Variants in POLR1A observed in about 807,000 individuals in gnomAD.
The protein encoded by POLR1A is DNA-directed RNA polymerase I subunit RPA1.
In POLR1A, 84 loss-of-function variants were observed where a neutral mutation model predicts 205.3. The ratio of observed to expected loss-of-function variants is 0.41; its 90% CI spans 0.34 to 0.49. POLR1A has a LOEUF of 0.49. Among genes scored for constraint, POLR1A ranks in the 20% least tolerant of loss-of-function variants. POLR1A has a pLI of 0.22. For missense variants in POLR1A, 1,645 were observed against 2,204.5 expected, an observed-to-expected ratio of 0.75 and a Z score of 5.08; for synonymous variants, 799 against 863.7, an observed-to-expected ratio of 0.93 and a Z score of 1.31.
At position 86,020,550 on chromosome 2, in the gene POLR1A, A is replaced by G; in HGVS notation, c.*6873T>C. ...GCAACAGAGTGAGACCCCGTCTCAA[A>G]AAAAAAAAAAAAAAAAAAAAGATGC... On this transcript the variant is annotated 3_prime_UTR_variant, in exon 34 of 34. Transcript: ENST00000263857. The G allele has an allele frequency of 6.8e-6, 1 of 146,754 alleles. No homozygotes were observed. Among genetic ancestry groups the G allele is most frequent in the Non-Finnish European group, 1.5e-5 (1 of 67,410 alleles). 9.1% of individuals were successfully genotyped at this position (146,754 alleles called of 1,614,324 possible).
At chr2:86,044,943 C>A (rs538506288) in intron 21 of POLR1A, among the ~76,000 whole-genome samples, 1 of 152,164 alleles carries the variant, frequency 6.6e-6, no homozygotes, top group African/African-American at 2.4e-5. Context: ...GGGGACAGAG[C>A]TCAATGTTAG....
At chr2:86,097,021 G>A (rs538221397) in intron 3 of POLR1A, among the ~76,000 whole-genome samples, 1 of 151,684 alleles carries the variant, frequency 6.6e-6, no homozygotes, top group African/African-American at 2.4e-5. Flanking sequence ...CATCTCAACA[G>A]CAAAAATCCC....
At chr2:86,040,116 C>T in intron 25 of POLR1A, 1 of 326,946 alleles carries the variant, frequency 3.1e-6, no homozygotes, top group Non-Finnish European at 5.6e-6. Flanking sequence ...CTGAGTCCTT[C>T]CCCCAGCAGT....
In POLR1A at chr2:86,021,129, G is replaced by C. The variant is rs913397404; in HGVS notation, c.*6294C>G. The C allele has an allele frequency of 3.3e-5, 5 of 152,378 alleles. No homozygotes were observed. The highest frequency in any genetic ancestry group is 4.8e-5 in the African/African-American group (2 of 41,584). 9.4% of individuals were successfully genotyped at this position (152,378 alleles called of 1,614,324 possible). A position where few individuals can be genotyped will look rare whatever the true frequency, so the allele number is the denominator to read the frequency against. ...TTCATGTTTCCAAGCAAGAATCATG[G>C]GTTGGGGAAGGCAAGTGTTTACTGT... On this transcript the variant is annotated 3_prime_UTR_variant, in exon 34 of 34. Transcript: ENST00000263857.
chr2:86,053,706 G>C (rs962906895), intron 15 of POLR1A, among the ~76,000 whole-genome samples: 8 of 152,162 alleles, frequency 5.3e-5, no homozygotes, highest in Non-Finnish European at 1.2e-4. Flanking sequence ...TCTCCACTGG[G>C]AACATGCAGA....
At chr2:86,042,841 T>C in intron 23 of POLR1A, 133 bp downstream of exon 23, 3 of 706,840 alleles carry the variant, frequency 4.2e-6, no homozygotes, top group Middle Eastern at 4.1e-4. Context: ...TGAGAGCCAT[T>C]CTGTTCTGAC....
chr2:86,046,294 C>CACA (rs145452699), intron 19 of POLR1A, among the ~76,000 whole-genome samples: 1 of 151,946 alleles, frequency 6.6e-6, no homozygotes, highest in Non-Finnish European at 1.5e-5. Flanking sequence ...CAAAACAAAA[C>CACA]ACAACAACAA....
chr2:86,102,145 C>A (rs1673832341), intron 1 of POLR1A, among the ~76,000 whole-genome samples: 1 of 152,202 alleles, frequency 6.6e-6, no homozygotes, highest in East Asian at 1.9e-4. Context: ...TCCTTGGATA[C>A]ACATCCAGAA....
At chr2:86,032,826 C>T (rs1672421260) in intron 28 of POLR1A, among the ~76,000 whole-genome samples, 1 of 152,262 alleles carries the variant, frequency 6.6e-6, no homozygotes, top group Non-Finnish European at 1.5e-5. Context: ...TTATACTCTC[C>T]TTCTGGGTGA....
At chr2:86,104,187 G>A (rs1673874552) in intron 1 of POLR1A, among the ~76,000 whole-genome samples, 1 of 152,164 alleles carries the variant, frequency 6.6e-6, no homozygotes, top group Non-Finnish European at 1.5e-5. Flanking sequence ...GCATGCACTT[G>A]AGAGGTGTAA....
rs765177457 is a variant in POLR1A, at chr2:86,027,960, G to T, written c.4987C>A (p.Arg1663=). The part of the protein sequence containing the change: ...VYKPLNRFGI[R]SNSSPLQQMT... ...TGCTGTAGCGGGGAAGAGTTTGACC[G>T]GATCCCAAAGCGATTCAGTGGCTTG... The change falls in exon 33 of 34, where the codon CGG becomes AGG. Residue 1663 remains arginine (R), a synonymous_variant. Coordinates refer to ENST00000263857, the MANE Select transcript of POLR1A (RefSeq NM_015425.6). 6.2e-7 allele frequency: 1 copy of T among 1,614,198 alleles called. No homozygotes were observed. The highest frequency in any genetic ancestry group is 2.2e-5 in the East Asian group (1 of 44,888).
chr2:86,092,553 A>AGT (rs1381406643), intron 3 of POLR1A, among the ~76,000 whole-genome samples: 1 of 152,214 alleles, frequency 6.6e-6, no homozygotes, highest in Non-Finnish European at 1.5e-5. Flanking sequence ...GGCTGGGCAC[A>AGT]GTGGCTCATG....
intron 14 of POLR1A, 47 bp downstream of exon 14, chr2:86,065,227 G>A: frequency 6.7e-7 from 1 of 1,499,842 alleles, no homozygotes; most frequent in East Asian, 2.3e-5. Flanking sequence ...TTACATGAGT[G>A]GCCTATTTCC....
intron 11 of POLR1A, among the ~76,000 whole-genome samples, chr2:86,076,946 T>C (rs534006311): frequency 6.6e-6 from 1 of 152,276 alleles, no homozygotes; most frequent in Non-Finnish European, 1.5e-5. Flanking sequence ...AGGACTATGG[T>C]TCCCAAGAGG....
rs1672441835 is a variant in POLR1A, at chr2:86,033,693, G to A, written c.4129C>T (p.Leu1377=). Residue 1377 remains leucine (L), a synonymous_variant, in exon 28 of 34, where the codon CTG becomes TTG. Transcript: ENST00000263857. ...CTCCCCAACTCCCCAGCGTTGTCCA[G>A]ATCCCGCTGTGTAGCTCTTCGAGTG... ...VNTRRATQRD[L]DNAGELGRSR... The A allele has an allele frequency of 6.2e-7, 1 of 1,613,828 alleles. No homozygotes were observed. Among genetic ancestry groups the A allele is most frequent in the South Asian group, 1.1e-5 (1 of 91,076 alleles).
chr2:86,045,475 C>G (rs979809989), intron 20 of POLR1A, 115 bp from the exon 21 acceptor site: 4 of 1,259,912 alleles, frequency 3.2e-6, no homozygotes, highest in Non-Finnish European at 4.6e-6. Flanking sequence ...ACTCCCTTCC[C>G]TGATCTCCTA....
chr2:86,023,831 A>C lies in POLR1A; in HGVS notation c.*3592T>G, dbSNP rs1285166654. On this transcript the variant is annotated 3_prime_UTR_variant, in exon 34 of 34. Coordinates refer to ENST00000263857, the MANE Select transcript of POLR1A (RefSeq NM_015425.6). ...CAGTGGCGCAATCTCGGCTCACTGCAACCTCCACCTCCTGAGTTCAAGATT... is the reference window on the plus strand; with the variant it reads ...CAGTGGCGCAATCTCGGCTCACTGCCACCTCCACCTCCTGAGTTCAAGATT... 3 of 150,742 alleles carry C rather than the reference A, an allele frequency of 2.0e-5. No homozygotes were observed. In the South Asian group the frequency reaches 6.3e-4, roughly 32 times the overall value. The allele number at this position is 150,742 out of a possible 1,614,324, so 9.3% of individuals were successfully genotyped here.
At chr2:86,103,612 A>G (rs1243111442) in intron 1 of POLR1A, among the ~76,000 whole-genome samples, 1 of 152,242 alleles carries the variant, frequency 6.6e-6, no homozygotes, top group Non-Finnish European at 1.5e-5. Flanking sequence ...CAGTGATGAT[A>G]TAATTGGAAT....
At chr2:86,051,371 T>A (rs1672799727) in intron 16 of POLR1A, among the ~76,000 whole-genome samples, 1 of 152,216 alleles carries the variant, frequency 6.6e-6, no homozygotes, top group East Asian at 1.9e-4. Flanking sequence ...TATGCTTTTT[T>A]TTTTTTAACC....
Sources: allele counts gnomAD v4.1 joint callset (sites outside exome capture counted in the v4.1 genomes callset), GRCh38; gene constraint gnomAD v4.1.1; transcripts MANE v1.5; gene names NCBI Gene and HGNC (gene_info 2026-07-23, HGNC 2026-07-21).